The following ZZZ3 variants were observed in gnomAD, a reference collection of about 807,000 sequenced individuals.
ZZZ3 encodes ZZ-type zinc finger-containing protein 3.
ZZZ3 carries 22 observed loss-of-function variants against 95.2 expected under a neutral mutation model. That is an observed-to-expected ratio of 0.23 (90% CI 0.17 to 0.33). The LOEUF is 0.33. Among genes scored for constraint, ZZZ3 ranks in the 10% least tolerant of loss-of-function variants. The pLI is 1.00. For missense variants in ZZZ3, 885 were observed against 1,066.5 expected (o/e 0.83, Z 2.37); for synonymous variants, 335 against 358.9 (o/e 0.93, Z 0.75).
chr1:77,594,326 T>G (rs1215736200), intron 5 of ZZZ3, among the ~76,000 whole-genome samples: 1 of 152,170 alleles, frequency 6.6e-6, no homozygotes, highest in Non-Finnish European at 1.5e-5. Context: ...CCTAGGTCAC[T>G]AAACAGTATA....
chr1:77,568,179 T>G (rs1661005676), intron 13 of ZZZ3, among the ~76,000 whole-genome samples, 153 bp downstream of exon 13: 1 of 152,110 alleles, frequency 6.6e-6, no homozygotes, highest in African/African-American at 2.4e-5. Flanking sequence ...CTTGGGTGGC[T>G]GAGACACGAG....
chr1:77,661,951 G>C (rs1484306743), intron 1 of ZZZ3, among the ~76,000 whole-genome samples: 2 of 150,850 alleles, frequency 1.3e-5, no homozygotes, highest in Non-Finnish European at 2.9e-5. Flanking sequence ...TGAGTAGCTA[G>C]GACTACAGGC....
chr1:77,604,454 A>C (rs1665035519), intron 5 of ZZZ3, among the ~76,000 whole-genome samples: 1 of 152,234 alleles, frequency 6.6e-6, no homozygotes, highest in African/African-American at 2.4e-5. Flanking sequence ...TATAATTGCA[A>C]CACAATTTTT....
chr1:77,574,125 T>G lies in ZZZ3; in HGVS notation c.2331+1943A>C, dbSNP rs1341135049. Among the ~76,000 whole-genome samples the G allele has an allele frequency of 2.0e-5, 3 of 148,260 alleles. No homozygotes were observed. The East Asian group carries it at 5.8e-4, about 29-fold the overall frequency. On this transcript the variant is annotated intron_variant, in intron 12 of 14. Coordinates refer to ENST00000370801, the MANE Select transcript of ZZZ3 (RefSeq NM_015534.6). Reference sequence around the variant, plus strand: ...ATATCTATAGATATAGATATATATATAGATAGATTTACATATAGATATATA... The same window carrying G: ...ATATCTATAGATATAGATATATATAGAGATAGATTTACATATAGATATATA...
chr1:77,629,532 G>A (rs1246639610), intron 5 of ZZZ3, among the ~76,000 whole-genome samples: 2 of 152,086 alleles, frequency 1.3e-5, no homozygotes, highest in Admixed American at 1.3e-4. Flanking sequence ...TGAGGTGGGA[G>A]GATAACCTAA....
At chr1:77,664,094 A>T (rs1381002227) in intron 1 of ZZZ3, among the ~76,000 whole-genome samples, 1 of 151,992 alleles carries the variant, frequency 6.6e-6, no homozygotes, top group East Asian at 1.9e-4. Flanking sequence ...TGGAAAAAAA[A>T]AAAAACAAAC....
chr1:77,658,162 G>C (rs1282333600), intron 1 of ZZZ3, among the ~76,000 whole-genome samples: 2 of 121,314 alleles, frequency 1.6e-5, no homozygotes, highest in Non-Finnish European at 1.6e-5. Context: ...CTGGGCGACA[G>C]AGCGAGACTT....
At chr1:77,615,818 C>A (rs1666252541) in intron 5 of ZZZ3, among the ~76,000 whole-genome samples, 1 of 152,080 alleles carries the variant, frequency 6.6e-6, no homozygotes, top group African/African-American at 2.4e-5. Context: ...GGAAAACATT[C>A]TATTTGGTTT....
chr1:77,587,258 C>CTTTT (rs34952237), intron 5 of ZZZ3, among the ~76,000 whole-genome samples: 5 of 85,258 alleles, frequency 5.9e-5, no homozygotes, highest in East Asian at 3.9e-4. Context: ...AACTTTGACC[C>CTTTT]TTTTTTTTTT....
At chr1:77,630,331 C>T (rs1667684971) in intron 5 of ZZZ3, among the ~76,000 whole-genome samples, 2 of 151,880 alleles carry the variant, frequency 1.3e-5, no homozygotes, top group South Asian at 2.1e-4. Context: ...AAAATATTAG[C>T]CAGGAGTGGT....
intron 5 of ZZZ3, among the ~76,000 whole-genome samples, chr1:77,624,392 C>A (rs1383534356): frequency 1.3e-5 from 2 of 152,122 alleles, no homozygotes; most frequent in Non-Finnish European, 2.9e-5. Context: ...AACTTACAAG[C>A]CCCAACCCTT....
chr1:77,668,739 A>G (rs1671474224), intron 1 of ZZZ3, among the ~76,000 whole-genome samples: 1 of 151,700 alleles, frequency 6.6e-6, no homozygotes, highest in Non-Finnish European at 1.5e-5. Flanking sequence ...TGTTCTTTTT[A>G]CCACACCACA....
intron 4 of ZZZ3, among the ~76,000 whole-genome samples, chr1:77,635,668 G>A (rs1668227658): frequency 6.6e-6 from 1 of 152,214 alleles, no homozygotes; most frequent in Admixed American, 6.5e-5. Context: ...TACTTTGGGA[G>A]GCCAAGGCAG....
intron 5 of ZZZ3, among the ~76,000 whole-genome samples, chr1:77,588,372 A>C (rs376247663): frequency 6.6e-5 from 10 of 152,314 alleles, no homozygotes; most frequent in African/African-American, 2.4e-4. Flanking sequence ...GAATGGTTAA[A>C]GACCCTGAGA....
chr1:77,609,790 G>A (rs546234754), intron 5 of ZZZ3, among the ~76,000 whole-genome samples: 36 of 152,082 alleles, frequency 2.4e-4, no homozygotes, highest in Admixed American at 8.5e-4. Context: ...TGAATGACCC[G>A]TGGGTCAATG....
At chr1:77,635,843 T>C (rs1399393756) in intron 4 of ZZZ3, among the ~76,000 whole-genome samples, 2 of 152,236 alleles carry the variant, frequency 1.3e-5, no homozygotes, top group South Asian at 2.1e-4. Flanking sequence ...GAGGCAAAGG[T>C]TGCAGTGAGC....
chr1:77,669,296 T>C (rs926096391), intron 1 of ZZZ3, among the ~76,000 whole-genome samples: 26 of 152,150 alleles, frequency 1.7e-4, no homozygotes, highest in Admixed American at 3.9e-4. Context: ...TTCCTCTTCA[T>C]ACATTACATA....
chr1:77,634,043 G>A (rs994179223), intron 4 of ZZZ3, among the ~76,000 whole-genome samples: 2 of 151,974 alleles, frequency 1.3e-5, no homozygotes, highest in African/African-American at 2.4e-5. Flanking sequence ...GGTGGCACAC[G>A]CCTGTAATCC....
At chr1:77,569,247 G>C (rs1249694299) in intron 12 of ZZZ3, among the ~76,000 whole-genome samples, 1 of 152,246 alleles carries the variant, frequency 6.6e-6, no homozygotes, top group Non-Finnish European at 1.5e-5. Flanking sequence ...TGAGGCAGGA[G>C]AATTGCTTGC....
Sources: gnomAD v4.1 joint callset for allele counts (sites outside exome capture counted in the v4.1 genomes callset) on GRCh38, gnomAD v4.1.1 for gene constraint, MANE v1.5 for transcripts, NCBI Gene and HGNC (gene_info 2026-07-23, HGNC 2026-07-21) for gene names.